DOK5: variants seen among roughly 807,000 people sequenced by gnomAD.
The protein encoded by DOK5 is downstream of tyrosine kinase 5.
In DOK5, 27 loss-of-function variants were observed where a neutral mutation model predicts 43.3. The observed-to-expected ratio is 0.62, with a 90% CI of 0.46 to 0.86. The LOEUF is 0.86. Ranked by LOEUF, DOK5 falls within the 40% of genes least tolerant of loss-of-function variation. The pLI is 0.00. For missense variants in DOK5, 373 were observed against 392.9 expected, an observed-to-expected ratio of 0.95 and a Z score of 0.43; for synonymous variants, 146 against 140.1, an observed-to-expected ratio of 1.04 and a Z score of -0.30.
At chr20:54,482,864 C>T (rs1981777258) in intron 1 of DOK5, among the ~76,000 whole-genome samples, 2 of 152,166 alleles carry the variant, frequency 1.3e-5, no homozygotes, top group South Asian at 4.2e-4. Context: ...TGAACTCATG[C>T]AACTATTCAG....
chr20:54,625,095 G>A (rs1396599079), intron 6 of DOK5, among the ~76,000 whole-genome samples: 1 of 152,076 alleles, frequency 6.6e-6, no homozygotes, highest in Admixed American at 6.5e-5. Context: ...ACATTTGGAT[G>A]ATAGGAGTAC....
intron 6 of DOK5, among the ~76,000 whole-genome samples, chr20:54,619,279 C>G (rs989416580): frequency 1.4e-4 from 21 of 151,566 alleles, no homozygotes; most frequent in African/African-American, 5.1e-4. Context: ...GGCGGGGAGG[C>G]GAGGACTGTC....
chr20:54,597,849 C>G lies in DOK5; in HGVS notation c.599+6044C>G, dbSNP rs1986189563. ...AGCTAAGGGAGAGAAAGCATGCTTACATAACCAAAGCTTGCTAAATCCATT... is the reference window on the plus strand; with the variant it reads ...AGCTAAGGGAGAGAAAGCATGCTTAGATAACCAAAGCTTGCTAAATCCATT... On this transcript the variant is annotated intron_variant, in intron 5 of 7. Coordinates refer to ENST00000262593, the MANE Select transcript of DOK5 (RefSeq NM_018431.5). 2.0e-5 allele frequency among the ~76,000 whole-genome samples: 3 copies of G among 152,350 alleles called. No individual in the cohort carries two copies. In the South Asian group the frequency reaches 6.2e-4, roughly 32 times the overall value.
chr20:54,535,069 T>C (rs1983914739), intron 1 of DOK5, among the ~76,000 whole-genome samples: 1 of 152,116 alleles, frequency 6.6e-6, no homozygotes, highest in Admixed American at 6.6e-5. Flanking sequence ...CCTGACCTCA[T>C]GATCCACCCG....
At chr20:54,521,713 T>C (rs975546774) in intron 1 of DOK5, among the ~76,000 whole-genome samples, 1 of 152,144 alleles carries the variant, frequency 6.6e-6, no homozygotes, top group African/African-American at 2.4e-5. Flanking sequence ...ACATTGGTGA[T>C]TAGCTCTATC....
At chr20:54,581,955 C>T (rs1339054768) in intron 2 of DOK5, among the ~76,000 whole-genome samples, 1 of 151,820 alleles carries the variant, frequency 6.6e-6, no homozygotes, top group Admixed American at 6.6e-5. Flanking sequence ...ATAGTTGGCA[C>T]CTTTTGACTT....
intron 7 of DOK5, among the ~76,000 whole-genome samples, chr20:54,649,020 C>T (rs1358219588): frequency 1.3e-5 from 2 of 152,172 alleles, no homozygotes; most frequent in African/African-American, 4.8e-5. Context: ...AACTAGGCAC[C>T]TATATCATAG....
intron 1 of DOK5, among the ~76,000 whole-genome samples, chr20:54,509,459 G>T (rs1411264274): frequency 6.6e-6 from 1 of 152,188 alleles, no homozygotes; most frequent in Non-Finnish European, 1.5e-5. Flanking sequence ...CTCCCAAAAT[G>T]CTGGGATTAT....
rs1983600999 is a variant in DOK5, at chr20:54,527,036, A to C, written c.67-27897A>C. Among the ~76,000 whole-genome samples the C allele has an allele frequency of 2.0e-5, 3 of 152,206 alleles. No homozygotes were observed. In the South Asian group the frequency reaches 6.2e-4, roughly 31 times the overall value. ...AGGTTTCTGTAGAGGTCTGATAAGGATACTGAGATAATTGTAGTTTTAGAG... is the reference window on the plus strand; with the variant it reads ...AGGTTTCTGTAGAGGTCTGATAAGGCTACTGAGATAATTGTAGTTTTAGAG... On this transcript the variant is annotated intron_variant, in intron 1 of 7. Coordinates refer to ENST00000262593, the MANE Select transcript of DOK5 (RefSeq NM_018431.5).
At chr20:54,569,154 T>TTACATATTA (rs1985202097) in intron 2 of DOK5, among the ~76,000 whole-genome samples, 1 of 152,184 alleles carries the variant, frequency 6.6e-6, no homozygotes, top group Non-Finnish European at 1.5e-5. Flanking sequence ...GAGTAATTCA[T>TTACATATTA]TACATATTAT....
chr20:54,557,744 G>A (rs1600700776), intron 2 of DOK5, among the ~76,000 whole-genome samples: 3 of 152,236 alleles, frequency 2.0e-5, no homozygotes, highest in Admixed American at 2.0e-4. Context: ...TTTGTTCAGT[G>A]CGTTGCTCAA....
At chr20:54,644,710 A>AAAAAAAAAACAAAAAC (rs1568827112) in intron 7 of DOK5, among the ~76,000 whole-genome samples, 3 of 102,210 alleles carry the variant, frequency 2.9e-5, no homozygotes, top group Non-Finnish European at 6.1e-5. Context: ...CGTCTCAAAA[A>AAAAAAAAAACAAAAAC]AAAAAAAAAA....
intron 2 of DOK5, among the ~76,000 whole-genome samples, chr20:54,586,534 A>G (rs748744505): frequency 6.6e-6 from 1 of 152,220 alleles, no homozygotes; most frequent in Non-Finnish European, 1.5e-5. Context: ...AGGGAGCACA[A>G]TGATGAGCAG....
chr20:54,638,939 C>T (rs536681143), intron 6 of DOK5, among the ~76,000 whole-genome samples: 96 of 152,040 alleles, frequency 6.3e-4, no homozygotes, highest in Middle Eastern at 3.4e-3. Context: ...CCTCAGCCTC[C>T]CAAAGTGCTA....
chr20:54,526,606 A>T lies in DOK5; in HGVS notation c.67-28327A>T, dbSNP rs147255959. On this transcript the variant is annotated intron_variant, in intron 1 of 7. Transcript: ENST00000262593. ...AACCAAGTATATGGGATTTTTAAAA[A>T]CCCCAAAATTTAAGAACACAAAGAA... Among the ~76,000 whole-genome samples the T allele has an allele frequency of 2.0e-5, 3 of 152,094 alleles. No homozygotes were observed. The East Asian group carries it at 5.8e-4, about 29-fold the overall frequency.
chr20:54,502,301 A>G (rs1157778049), intron 1 of DOK5, among the ~76,000 whole-genome samples: 1 of 152,196 alleles, frequency 6.6e-6, no homozygotes, highest in Non-Finnish European at 1.5e-5. Flanking sequence ...AGTATCTTCT[A>G]TGTATAAGGT....
At chr20:54,596,098 T>C (rs73913613) in intron 5 of DOK5, among the ~76,000 whole-genome samples, 2,103 of 152,328 alleles carry the variant, frequency 0.014, 46 homozygotes, top group African/African-American at 0.049. Context: ...TATATTTTGC[T>C]TGAAACTCAA....
At chr20:54,569,255 C>T (rs1600707940) in intron 2 of DOK5, among the ~76,000 whole-genome samples, 1 of 152,024 alleles carries the variant, frequency 6.6e-6, no homozygotes, top group Non-Finnish European at 1.5e-5. Context: ...AGTGGCAGTT[C>T]CTTTCATATT....
At chr20:54,598,530 T>C (rs1986211703) in intron 5 of DOK5, among the ~76,000 whole-genome samples, 1 of 152,202 alleles carries the variant, frequency 6.6e-6, no homozygotes, top group Non-Finnish European at 1.5e-5. Flanking sequence ...ACTGTACAGC[T>C]TGCTGCTGAG....
Sources: gnomAD v4.1 joint callset for allele counts (sites outside exome capture counted in the v4.1 genomes callset) on GRCh38, gnomAD v4.1.1 for gene constraint, MANE v1.5 for transcripts, NCBI Gene and HGNC (gene_info 2026-07-23, HGNC 2026-07-21) for gene names.